The following MYO6 variants were observed in gnomAD, a reference collection of about 807,000 sequenced individuals.
The protein encoded by MYO6 is myosin VI, also known as unconventional myosin-VI.
Under a neutral mutation model 178.7 loss-of-function variants are expected in MYO6, and 74 were observed. That is an observed-to-expected ratio of 0.41 (90% CI 0.34 to 0.50). The LOEUF is 0.50. Ranked by LOEUF, MYO6 falls within the 20% of genes least tolerant of loss-of-function variation. The pLI is 0.09. For synonymous variants in MYO6, 477 were observed against 504.6 expected (o/e 0.95, Z 0.73); for missense variants, 1,330 against 1,547.4 (o/e 0.86, Z 2.36).
rs143172520 is a variant in MYO6, at chr6:75,854,024, C to T, written c.1079-1115C>T. On this transcript the variant is annotated intron_variant, in intron 11 of 34. Coordinates refer to ENST00000369977, the MANE Select transcript of MYO6 (RefSeq NM_004999.4). ...GTCACATAGCTAGTAGTTGTAGAGCCTGATCAGCCCTGAGACTAAAGCACT... is the reference window on the plus strand; with the variant it reads ...GTCACATAGCTAGTAGTTGTAGAGCTTGATCAGCCCTGAGACTAAAGCACT... Among the ~76,000 whole-genome samples the T allele has an allele frequency of 7.2e-5, 11 of 152,214 alleles. 1 individual carries two copies. The highest frequency in any genetic ancestry group is 2.6e-4 in the African/African-American group (11 of 41,556).
intron 1 of MYO6, among the ~76,000 whole-genome samples, chr6:75,803,548 G>T (rs1325994342): frequency 6.6e-6 from 1 of 152,004 alleles, no homozygotes; most frequent in Admixed American, 6.6e-5. Flanking sequence ...TGCGTATTTT[G>T]TCATCAGTAT....
chr6:75,865,701 G>T lies in MYO6; in HGVS notation c.1675-825G>T, dbSNP rs58034517. 6.1e-3 allele frequency among the ~76,000 whole-genome samples: 911 copies of T among 150,194 alleles called. 8 individuals are homozygous for T. Among genetic ancestry groups the T allele is most frequent in the African/African-American group, 0.021 (853 of 41,434 alleles). ...TTCTTACCCTTAGGTTATTTCAAGG[G>T]TCAGATGTGATCTTGTAAGTGAAAA... On this transcript the variant is annotated intron_variant, in intron 16 of 34. Transcript: ENST00000369977.
chr6:75,886,692 T>A (rs1778464938), intron 24 of MYO6, 152 bp from the exon 25 acceptor site: 3 of 742,878 alleles, frequency 4.0e-6, no homozygotes, highest in Non-Finnish European at 6.7e-6. Flanking sequence ...ATATTTGATT[T>A]TTTTTAGCCT....
chr6:75,894,570 G>A (rs747286959), intron 28 of MYO6, among the ~76,000 whole-genome samples: 1 of 135,918 alleles, frequency 7.4e-6, no homozygotes, highest in Non-Finnish European at 1.7e-5. Flanking sequence ...TATGAATGAT[G>A]TTCTATACAG....
chr6:75,835,790 A>T lies in MYO6; in HGVS notation c.498-111A>T, dbSNP rs1214071672. The T allele has an allele frequency of 1.0e-5, 7 of 700,424 alleles. No homozygotes were observed. In the Admixed American group the frequency reaches 1.1e-4, roughly 11 times the overall value. The allele number at this position is 700,424 out of a possible 1,614,324, so 43.4% of individuals were successfully genotyped here. A position where few individuals can be genotyped will look rare whatever the true frequency, so the allele number is the denominator to read the frequency against. On this transcript the variant is annotated intron_variant, in intron 6 of 34. Transcript: ENST00000369977. Reference sequence around the variant, plus strand: ...TGACAGAATAGTTGCATTTAATTACACATTTGTTATAATGATGATCTAGGT... The same window carrying T: ...TGACAGAATAGTTGCATTTAATTACTCATTTGTTATAATGATGATCTAGGT...
At chr6:75,755,413 G>A (rs887783821) in intron 1 of MYO6, among the ~76,000 whole-genome samples, 4 of 152,012 alleles carry the variant, frequency 2.6e-5, no homozygotes, top group Admixed American at 1.3e-4. Context: ...TGAAAAATTA[G>A]GGTCACTAAA....
chr6:75,809,674 A>G (rs1770474618), intron 1 of MYO6, among the ~76,000 whole-genome samples: 1 of 152,238 alleles, frequency 6.6e-6, no homozygotes. Flanking sequence ...CTTATGGGTC[A>G]TAGGTGGATT....
chr6:75,870,802 CT>C (rs1337053978), intron 19 of MYO6, 117 bp downstream of exon 19: 1 of 778,084 alleles, frequency 1.3e-6, no homozygotes, highest in African/African-American at 1.8e-5. Flanking sequence ...AAACTTTATT[CT>C]CTTATTTTAA....
At chr6:75,752,433 T>C (rs566353146) in intron 1 of MYO6, among the ~76,000 whole-genome samples, 176 of 152,316 alleles carry the variant, frequency 1.2e-3, no homozygotes, top group African/African-American at 4.1e-3. Flanking sequence ...TCTAGGCTAA[T>C]GGTCTTGTCC....
chr6:75,901,431 G>A (rs1245505960), intron 30 of MYO6, among the ~76,000 whole-genome samples: 2 of 152,074 alleles, frequency 1.3e-5, no homozygotes, highest in African/African-American at 4.8e-5. Flanking sequence ...CCTTGAAGAG[G>A]TCCTTCACAT....
rs1781132873 is a variant in MYO6 at position 75,916,614 on chromosome 6, T to A, written c.*1602T>A. 1 of 152,620 alleles carries A rather than the reference T, an allele frequency of 6.6e-6. No homozygotes were observed. The highest frequency in any genetic ancestry group is 6.5e-5 in the Admixed American group (1 of 15,270). The allele number at this position is 152,620 out of a possible 1,614,324, so 9.5% of individuals were successfully genotyped here. ...TAAATGACCTATTCTCTCTCTTCCA[T>A]CTCTCGCCTTTAACTGGTGTTTTTA... On this transcript the variant is annotated 3_prime_UTR_variant, in exon 35 of 35. Transcript: ENST00000369977.
intron 11 of MYO6, among the ~76,000 whole-genome samples, chr6:75,854,599 A>G (rs887205801): frequency 2.0e-5 from 3 of 152,068 alleles, no homozygotes; most frequent in African/African-American, 4.8e-5. Context: ...CAGTTAAGGG[A>G]TACTCAGCCT....
chr6:75,814,186 T>C lies in MYO6; in HGVS notation c.-47-3315T>C, dbSNP rs72654777. 0.013 allele frequency among the ~76,000 whole-genome samples: 1,983 copies of C among 152,230 alleles called. 71 individuals are homozygous for C. The East Asian group carries it at 0.15, about 11-fold the overall frequency. On this transcript the variant is annotated intron_variant, in intron 1 of 34. Coordinates refer to ENST00000369977, the MANE Select transcript of MYO6 (RefSeq NM_004999.4). ...CTGAGATGAACTATTTGCCTCTGGC[T>C]AGGGCTTCTGTAAATGCTCTGTTTG...
At chr6:75,784,437 G>T (rs1426871466) in intron 1 of MYO6, among the ~76,000 whole-genome samples, 1 of 151,976 alleles carries the variant, frequency 6.6e-6, no homozygotes, top group Non-Finnish European at 1.5e-5. Context: ...GCTGGGGAAA[G>T]CCAGCTTTCC....
chr6:75,808,679 A>T (rs1213217815), intron 1 of MYO6, among the ~76,000 whole-genome samples: 2 of 152,194 alleles, frequency 1.3e-5, no homozygotes, highest in East Asian at 3.8e-4. Context: ...CAATTTAGAA[A>T]GTTTATTTTG....
intron 1 of MYO6, among the ~76,000 whole-genome samples, chr6:75,760,131 T>C (rs1777821156): frequency 6.6e-6 from 1 of 152,236 alleles, no homozygotes; most frequent in Non-Finnish European, 1.5e-5. Context: ...AGCAAGACTA[T>C]TGGGAAATAG....
intron 1 of MYO6, among the ~76,000 whole-genome samples, chr6:75,763,376 A>C (rs1778122136): frequency 1.3e-5 from 2 of 152,160 alleles, no homozygotes; most frequent in African/African-American, 2.4e-5. Context: ...CCCAGTGATA[A>C]TTTCTTTTGT....
At chr6:75,895,039 A>G (rs1779187308) in intron 28 of MYO6, among the ~76,000 whole-genome samples, 192 bp from the exon 29 acceptor site, 1 of 152,168 alleles carries the variant, frequency 6.6e-6, no homozygotes, top group East Asian at 1.9e-4. Context: ...TTTTCACTGC[A>G]TGCCTTATTT....
At chr6:75,874,259 T>C (rs956070767) in intron 20 of MYO6, among the ~76,000 whole-genome samples, 3 of 152,194 alleles carry the variant, frequency 2.0e-5, no homozygotes, top group Admixed American at 2.0e-4. Flanking sequence ...CACAAAACCA[T>C]AGCTATTGAG....
Sources: gnomAD v4.1 joint callset for allele counts (sites outside exome capture counted in the v4.1 genomes callset) on GRCh38, gnomAD v4.1.1 for gene constraint, MANE v1.5 for transcripts, NCBI Gene and HGNC (gene_info 2026-07-23, HGNC 2026-07-21) for gene names.